BTF3: variants seen among roughly 807,000 people sequenced by gnomAD.
The protein encoded by BTF3 is transcription factor BTF3.
In BTF3, 12 loss-of-function variants were observed where a neutral mutation model predicts 23.9. That is an observed-to-expected ratio of 0.50 (90% confidence interval 0.32 to 0.81). The LOEUF is 0.81. Ranked by LOEUF, BTF3 falls within the 40% of genes least tolerant of loss-of-function variation. The pLI, the probability that BTF3 is intolerant of heterozygous loss-of-function variation, is 0.03. For synonymous variants in BTF3, 96 were observed against 94.8 expected (o/e 1.01, Z -0.07); for missense variants, 215 against 255.9 (o/e 0.84, Z 1.09).
intron 3 of BTF3, 143 bp from the exon 4 acceptor site, chr5:73,502,773 A>G: frequency 1.1e-6 from 1 of 891,464 alleles, no homozygotes; most frequent in Non-Finnish European, 1.7e-6. Flanking sequence ...TCTGAATGCT[A>G]TTAGAATACA....
rs766786430 is a variant in BTF3, at chr5:73,505,248, A to G, written c.*10A>G. 32 of 1,607,724 alleles carry G rather than the reference A, an allele frequency of 2.0e-5. No individual in the cohort carries two copies. The highest frequency in any genetic ancestry group is 2.2e-4 in the Middle Eastern group (1 of 4,604). Reference sequence around the variant, plus strand: ...GAATGAGGCAAACTGAATTGAGTCAACTTCTGAAGATAAAACCTGAAGAAG... The same window carrying G: ...GAATGAGGCAAACTGAATTGAGTCAGCTTCTGAAGATAAAACCTGAAGAAG... On this transcript the variant is annotated 3_prime_UTR_variant, in exon 6 of 6. Transcript: ENST00000380591.
intron 1 of BTF3, 59 bp from the exon 2 acceptor site, chr5:73,499,075 A>T: frequency 6.6e-7 from 1 of 1,509,724 alleles, no homozygotes; most frequent in Non-Finnish European, 9.0e-7. Flanking sequence ...GGAAATAACG[A>T]GCATGGAATG....
At chr5:73,504,620 A>T in intron 5 of BTF3, 3 of 393,452 alleles carry the variant, frequency 7.6e-6, no homozygotes, top group Admixed American at 8.6e-5. Flanking sequence ...ATGTGTAGGT[A>T]TCTAACCTTA....
chr5:73,502,591 G>A lies in BTF3; in HGVS notation c.305G>A (p.Gly102Asp). ...AAGTTAGGGGTAAACAATATCTCTG[G>A]TATTGAAGAGGCAAGTATCAAATTT... Reference protein sequence around the residue: ...LKKLGVNNISGIEEVNMFTNQ... With the variant: ...LKKLGVNNISDIEEVNMFTNQ... Residue 102 changes from glycine to aspartate, a missense_variant, in exon 3 of 6, where the codon GGT (glycine) becomes GAT (aspartate). By Grantham distance (94) the Gly-to-Asp change is moderately conservative. Around this residue, in one of 2 missense-constraint regions of BTF3, gnomAD observed 99 missense variants for 171.2 expected, o/e 0.58. Coordinates refer to ENST00000380591, the MANE Select transcript of BTF3 (RefSeq NM_001037637.2). 1 of 1,591,916 alleles carries A rather than the reference G, an allele frequency of 6.3e-7. No homozygotes were observed. Among genetic ancestry groups the A allele is most frequent in the Non-Finnish European group, 8.5e-7 (1 of 1,173,108 alleles).
At position 73,498,772 on chromosome 5, in the gene BTF3, CG is replaced by C. The variant is rs1247140236; in HGVS notation, c.107del (p.Gly36AlafsTer10). 3.5e-5 allele frequency: 52 copies of C among 1,504,288 alleles called. No homozygotes were observed. Among genetic ancestry groups the C allele is most frequent in the Non-Finnish European group, 4.4e-5 (50 of 1,136,244 alleles). 93.2% of individuals were successfully genotyped at this position (1,504,288 alleles called of 1,614,324 possible). A position where few individuals can be genotyped will look rare whatever the true frequency, so the allele number is the denominator to read the frequency against. ...EATLSQPPPRGGTRGQEPQMK... is the reference protein window; with the variant it reads ...EATLSQPPPRXGTRGQEPQMK... ...CGACGCTGTCTCAACCTCCACCTCG[CG>C]GCGGAACCCGAGGACAGGAGCCTCA... On this transcript the variant is annotated frameshift_variant, in exon 1 of 6. Transcript: ENST00000380591. LOFTEE classifies it high-confidence loss of function.
intron 4 of BTF3, among the ~76,000 whole-genome samples, chr5:73,503,590 AT>A (rs1439050717): frequency 6.6e-6 from 1 of 152,236 alleles, no homozygotes; most frequent in Non-Finnish European, 1.5e-5. Context: ...CTGAATATAC[AT>A]CTGAGGATGT....
At chr5:73,499,520 C>G in intron 2 of BTF3, 1 of 407,086 alleles carries the variant, frequency 2.5e-6, no homozygotes. Flanking sequence ...CACATCATAC[C>G]CTTGACTTGT....
chr5:73,499,868 C>A (rs1746391017), intron 2 of BTF3, among the ~76,000 whole-genome samples: 1 of 151,824 alleles, frequency 6.6e-6, no homozygotes, highest in Non-Finnish European at 1.5e-5. Context: ...TTTAGATTGT[C>A]CTGTAATTAA....
rs1374171076 is a variant in BTF3, at chr5:73,505,374, C to G, written c.*136C>G. The G allele has an allele frequency of 1.8e-5, 12 of 683,234 alleles. No individual in the cohort carries two copies. Among genetic ancestry groups the G allele is most frequent in the Non-Finnish European group, 2.4e-5 (10 of 419,484 alleles). The allele number at this position is 683,234 out of a possible 1,614,324, so 42.3% of individuals were successfully genotyped here. A position where few individuals can be genotyped will look rare whatever the true frequency, so the allele number is the denominator to read the frequency against. ...CTCTAATATTTTTAAGCCCAAGCCC[C>G]TTGGACACTGCAGCTCTTTTCAGTT... On this transcript the variant is annotated 3_prime_UTR_variant, in exon 6 of 6. Transcript: ENST00000380591.
Position 73,498,762 on chromosome 5 carries a change from C to T in BTF3, c.95C>T (p.Pro32Leu), listed in dbSNP as rs1255738287. 5 of 1,501,958 alleles carry T rather than the reference C, an allele frequency of 3.3e-6. No homozygotes were observed. The highest frequency in any genetic ancestry group is 1.4e-5 in the African/African-American group (1 of 69,286). 93.0% of individuals were successfully genotyped at this position (1,501,958 alleles called of 1,614,324 possible). A position where few individuals can be genotyped will look rare whatever the true frequency, so the allele number is the denominator to read the frequency against. Reference protein sequence around the residue: ...CPGGEATLSQPPPRGGTRGQE... With the variant: ...CPGGEATLSQLPPRGGTRGQE... ...GGGGGCGAGGCGACGCTGTCTCAACCTCCACCTCGCGGCGGAACCCGAGGA... is the reference window on the plus strand; with the variant it reads ...GGGGGCGAGGCGACGCTGTCTCAACTTCCACCTCGCGGCGGAACCCGAGGA... Residue 32 changes from proline (P) to leucine (L), a missense_variant, in exon 1 of 6, where the codon CCT becomes CTT. By Grantham distance (98) the Pro-to-Leu change is moderately conservative (BLOSUM62 -3). Around this residue, in one of 2 missense-constraint regions of BTF3, gnomAD observed 116 missense variants for 84.7 expected, o/e 1.37. Coordinates refer to ENST00000380591, the MANE Select transcript of BTF3 (RefSeq NM_001037637.2).
intron 2 of BTF3, among the ~76,000 whole-genome samples, chr5:73,501,120 A>T (rs766687595): frequency 6.6e-6 from 1 of 152,216 alleles, no homozygotes; most frequent in African/African-American, 2.4e-5. Context: ...TAATATACAT[A>T]GTACAATAGT....
intron 1 of BTF3, 75 bp from the exon 2 acceptor site, chr5:73,499,059 A>G: frequency 1.4e-6 from 2 of 1,440,746 alleles, no homozygotes; most frequent in South Asian, 1.3e-5. Context: ...TCCTGCTGGT[A>G]TCTTGGGAAA....
intron 2 of BTF3, chr5:73,499,691 G>C: frequency 5.1e-6 from 1 of 197,696 alleles, no homozygotes; most frequent in Non-Finnish European, 1.0e-5. Context: ...GTGACTATTA[G>C]ATTTGAAAAT....
intron 2 of BTF3, among the ~76,000 whole-genome samples, chr5:73,502,165 A>G (rs989242249): frequency 2.6e-5 from 4 of 151,770 alleles, no homozygotes; most frequent in Admixed American, 2.0e-4. Context: ...TCTCAAAAAA[A>G]AAAAAAAAAA....
rs1561255235 is a variant in BTF3, at chr5:73,504,381, G to A, written c.552G>A (p.Glu184=). Reference sequence around the variant, plus strand: ...GAAAAGCACCACTTGCTACTGGAGAGGATGATGATGATGAAGTTCCAGGTA... The same window carrying A: ...GAAAAGCACCACTTGCTACTGGAGAAGATGATGATGATGAAGTTCCAGGTA... The part of the protein sequence containing the change: ...VDGKAPLATG[E]DDDDEVPDLV... The change falls in exon 5 of 6, where the codon GAG becomes GAA. Residue 184 remains glutamate, a synonymous_variant. Transcript: ENST00000380591. The A allele has an allele frequency of 2.5e-6, 4 of 1,598,976 alleles. No homozygotes were observed. Among genetic ancestry groups the A allele is most frequent in the South Asian group, 2.2e-5 (2 of 89,052 alleles).
In BTF3 at chr5:73,499,136, G is replaced by A; in HGVS notation, c.135G>A (p.Met45Ile). 6.2e-7 allele frequency: 1 copy of A among 1,607,720 alleles called. No homozygotes were observed. ...RGGTRGQEPQMKETIMNQEKL... is the reference protein window; with the variant it reads ...RGGTRGQEPQIKETIMNQEKL... ...CTGAGGATTTCCTCTTTTTCTAGAT[G>A]AAAGAAACAATCATGAACCAGGAAA... Residue 45 changes from methionine to isoleucine, a missense_variant and splice_region_variant, in exon 2 of 6, where the codon ATG (methionine) becomes ATA (isoleucine). Met to Ile is a conservative substitution (Grantham distance 10). Coordinates refer to ENST00000380591, the MANE Select transcript of BTF3 (RefSeq NM_001037637.2).
intron 1 of BTF3, 43 bp downstream of exon 1, chr5:73,498,842 T>TGGCTAGGCCGA: frequency 6.8e-7 from 1 of 1,471,586 alleles, no homozygotes; most frequent in Non-Finnish European, 8.9e-7. Context: ...GGGCAGGCCC[T>TGGCTAGGCCGA]GGCTAGGCCG....
At position 73,498,562 on chromosome 5, in the gene BTF3, C is replaced by CA; in HGVS notation, c.-101dup. On this transcript the variant is annotated 5_prime_UTR_variant, in exon 1 of 6. Coordinates refer to ENST00000380591, the MANE Select transcript of BTF3 (RefSeq NM_001037637.2). Reference sequence around the variant, plus strand: ...GCCCCTTATTCGCTCCGACAAGGTACAAAAAGGCTCTGGACGGCGGCGTGG... The same window carrying CA: ...GCCCCTTATTCGCTCCGACAAGGTACAAAAAAGGCTCTGGACGGCGGCGTGG... The CA allele has an allele frequency of 7.2e-7, 1 of 1,393,162 alleles. No homozygotes were observed. The highest frequency in any genetic ancestry group is 9.3e-7 in the Non-Finnish European group (1 of 1,080,974). The allele number at this position is 1,393,162 out of a possible 1,614,324, so 86.3% of individuals were successfully genotyped here.
chr5:73,500,294 A>G (rs1189152821), intron 2 of BTF3, among the ~76,000 whole-genome samples: 1 of 152,176 alleles, frequency 6.6e-6, no homozygotes, highest in Non-Finnish European at 1.5e-5. Context: ...GCAAAACTCA[A>G]ATTTTTTGTG....
Sources: allele counts gnomAD v4.1 joint callset (sites outside exome capture counted in the v4.1 genomes callset), GRCh38; gene constraint gnomAD v4.1.1; regional missense constraint gnomAD v4.1.1; transcripts MANE v1.5; gene names NCBI Gene and HGNC (gene_info 2026-07-23, HGNC 2026-07-21).